The following BABAM2 variants were observed in gnomAD, a reference collection of about 807,000 sequenced individuals.
BABAM2 encodes the protein BRISC and BRCA1 A complex member 2, also known as BRISC and BRCA1-A complex member 2.
A neutral mutation model predicts 54.7 loss-of-function variants in BABAM2; 31 were observed. The observed-to-expected ratio is 0.57, with a 90% CI of 0.43 to 0.77. The LOEUF (loss-of-function observed/expected upper bound fraction) is 0.77, where lower values mean the gene tolerates loss of function less well. Among genes scored for constraint, BABAM2 ranks in the 30% least tolerant of loss-of-function variants. BABAM2 has a pLI of 0.00. For synonymous variants in BABAM2, 167 were observed against 162.9 expected (o/e 1.03, Z -0.19); for missense variants, 364 against 455.8 (o/e 0.80, Z 1.83).
In BABAM2 at chr2:28,237,223, T is replaced by C; in HGVS notation, c.702T>C (p.Ala234=). The stretch of plus-strand genomic sequence containing the variant: ...TCAGTGCACTTGGAGGCTCCTCAGC[T>C]CTTCATATCCCAGCTTTTCCAGGAG... The part of the protein sequence containing the change: ...RIEHALGGSS[A]LHIPAFPGGG... Residue 234 remains alanine (A), a synonymous_variant, in exon 8 of 12, where the codon GCT becomes GCC. Transcript: ENST00000379624. The C allele has an allele frequency of 6.2e-7, 1 of 1,613,904 alleles. No homozygotes were observed. The highest frequency in any genetic ancestry group is 8.5e-7 in the Non-Finnish European group (1 of 1,179,850).
intron 10 of BABAM2, among the ~76,000 whole-genome samples, chr2:28,278,499 A>G (rs1249728820): frequency 2.0e-5 from 3 of 152,220 alleles, no homozygotes; most frequent in Admixed American, 1.3e-4. Flanking sequence ...TAGCTAGGGT[A>G]GCTAAGGAAA....
At chr2:28,062,391 G>A (rs1035319215) in intron 6 of BABAM2, among the ~76,000 whole-genome samples, 10 of 150,982 alleles carry the variant, frequency 6.6e-5, no homozygotes, top group South Asian at 2.1e-4. Context: ...GGTGAAACCC[G>A]GTCTCTACTA....
chr2:27,933,040 C>T (rs145036657), intron 3 of BABAM2, among the ~76,000 whole-genome samples: 3 of 152,170 alleles, frequency 2.0e-5, no homozygotes, highest in African/African-American at 7.2e-5. Flanking sequence ...TGTGTGTGGT[C>T]AGTCCACAGT....
In BABAM2 at chr2:28,008,983, G is replaced by A. The variant is rs764323937; in HGVS notation, c.301-16243G>A. ...CACAACCTGTAACTTCCTGGGATAC[G>A]TGTGGGGCAACTAGTGGAAAGCTCT... On this transcript the variant is annotated intron_variant, in intron 4 of 11. Transcript: ENST00000379624. Among the ~76,000 whole-genome samples, 324 of 152,162 alleles carry A rather than the reference G, an allele frequency of 2.1e-3. 3 individuals are homozygous for A. Among genetic ancestry groups the A allele is most frequent in the Non-Finnish European group, 7.4e-4 (50 of 68,016 alleles).
intron 2 of BABAM2, among the ~76,000 whole-genome samples, chr2:27,908,550 G>C (rs1343902092): frequency 1.3e-5 from 2 of 152,112 alleles, no homozygotes; most frequent in Non-Finnish European, 2.9e-5. Flanking sequence ...TGGATTACAG[G>C]CGTGAGCCTC....
intron 10 of BABAM2, among the ~76,000 whole-genome samples, chr2:28,251,456 G>A (rs4666045): frequency 0.97 from 147,024 of 152,272 alleles, 71,184 homozygotes; most frequent in Middle Eastern, 1. Flanking sequence ...TCCAATTCCT[G>A]GTATAACCAA....
At chr2:27,976,052 G>A (rs952920376) in intron 3 of BABAM2, among the ~76,000 whole-genome samples, 2 of 151,994 alleles carry the variant, frequency 1.3e-5, no homozygotes, top group African/African-American at 2.4e-5. Flanking sequence ...TAACAAAATT[G>A]ACCATATTAA....
intron 6 of BABAM2, among the ~76,000 whole-genome samples, chr2:28,108,180 T>C (rs2148720374): frequency 6.6e-6 from 1 of 152,294 alleles, no homozygotes; most frequent in East Asian, 1.9e-4. Context: ...ATGGCAACAT[T>C]TGATTTAGCA....
At chr2:28,006,882 G>A (rs1481214188) in intron 4 of BABAM2, among the ~76,000 whole-genome samples, 1 of 151,948 alleles carries the variant, frequency 6.6e-6, no homozygotes, top group African/African-American at 2.4e-5. Context: ...AAATTCTTCT[G>A]TATTGAGAAT....
intron 10 of BABAM2, among the ~76,000 whole-genome samples, chr2:28,279,989 A>G (rs1282416725): frequency 6.6e-6 from 1 of 151,510 alleles, no homozygotes; most frequent in Non-Finnish European, 1.5e-5. Flanking sequence ...AGTAAATGTA[A>G]AAACTCACAT....
intron 10 of BABAM2, among the ~76,000 whole-genome samples, chr2:28,245,362 A>G (rs1352271381): frequency 2.6e-5 from 4 of 152,192 alleles, no homozygotes; most frequent in African/African-American, 9.7e-5. Flanking sequence ...ATCCTTATTC[A>G]ATGAAAAGTC....
At chr2:27,998,306 A>G (rs1367150572) in intron 4 of BABAM2, among the ~76,000 whole-genome samples, 1 of 151,824 alleles carries the variant, frequency 6.6e-6, no homozygotes, top group Non-Finnish European at 1.5e-5. Context: ...AACAAAAAAT[A>G]TTAATAATAA....
chr2:27,976,127 C>T (rs1671584613), intron 3 of BABAM2, among the ~76,000 whole-genome samples: 1 of 152,026 alleles, frequency 6.6e-6, no homozygotes, highest in Admixed American at 6.5e-5. Context: ...ATGTAATAGT[C>T]ACTCAGGAAA....
chr2:28,326,775 C>T (rs949127852), intron 11 of BABAM2, among the ~76,000 whole-genome samples: 1 of 152,128 alleles, frequency 6.6e-6, no homozygotes, highest in Non-Finnish European at 1.5e-5. Context: ...TGAACCATCC[C>T]CAAATTCTGC....
At chr2:28,311,560 A>C (rs1689091543) in intron 11 of BABAM2, among the ~76,000 whole-genome samples, 1 of 152,208 alleles carries the variant, frequency 6.6e-6, no homozygotes, top group Non-Finnish European at 1.5e-5. Flanking sequence ...AAGAAAAAGC[A>C]AAGGATAGTG....
At chr2:28,098,647 G>A (rs950701587) in intron 6 of BABAM2, among the ~76,000 whole-genome samples, 58 of 152,160 alleles carry the variant, frequency 3.8e-4, no homozygotes, top group African/African-American at 1.2e-3. Context: ...GAAAGTCGCA[G>A]CCAGCACATA....
At chr2:28,248,357 G>GC (rs1374727398) in intron 10 of BABAM2, among the ~76,000 whole-genome samples, 1 of 151,588 alleles carries the variant, frequency 6.6e-6, no homozygotes, top group Non-Finnish European at 1.5e-5. Context: ...TTACAGGCAT[G>GC]CGCCACCATG....
At chr2:28,141,237 G>C (rs759156807) in intron 7 of BABAM2, among the ~76,000 whole-genome samples, 11 of 152,074 alleles carry the variant, frequency 7.2e-5, no homozygotes, top group Middle Eastern at 3.4e-3. Flanking sequence ...CACACACACA[G>C]AGCATTTATT....
At chr2:28,207,012 C>T (rs1407585390) in intron 7 of BABAM2, among the ~76,000 whole-genome samples, 1 of 152,206 alleles carries the variant, frequency 6.6e-6, no homozygotes, top group Admixed American at 6.5e-5. Context: ...TTAATCATCA[C>T]AGTCTCCCTG....
Sources: gnomAD v4.1 joint callset for allele counts (sites outside exome capture counted in the v4.1 genomes callset) on GRCh38, gnomAD v4.1.1 for gene constraint, MANE v1.5 for transcripts, NCBI Gene and HGNC (gene_info 2026-07-23, HGNC 2026-07-21) for gene names.